ADAMTS12: variants seen among roughly 807,000 people sequenced by gnomAD.
The protein encoded by ADAMTS12 is ADAM metallopeptidase with thrombospondin type 1 motif 12.
Under a neutral mutation model 167.8 loss-of-function variants are expected in ADAMTS12, and 118 were observed. The observed-to-expected ratio is 0.70, with a 90% confidence interval of 0.61 to 0.82. The LOEUF is 0.82. ADAMTS12 is among the 40% of genes least tolerant of loss of function. The probability of loss-of-function intolerance (pLI) is 0.00; values close to 1 mark genes in which losing one functional copy is unlikely to be tolerated. For missense variants in ADAMTS12, 1,916 were observed against 1,998.8 expected (o/e 0.96, Z 0.79); for synonymous variants, 704 against 716.9 (o/e 0.98, Z 0.29).
chr5:33,812,481 G>T (rs764317295), intron 2 of ADAMTS12, among the ~76,000 whole-genome samples: 1 of 152,226 alleles, frequency 6.6e-6, no homozygotes, highest in East Asian at 1.9e-4. Context: ...ATCAAAAAGA[G>T]AATATTCTGT....
intron 2 of ADAMTS12, among the ~76,000 whole-genome samples, chr5:33,878,157 T>C (rs1481917714): frequency 6.6e-6 from 1 of 152,170 alleles, no homozygotes; most frequent in African/African-American, 2.4e-5. Context: ...CCAACCACTA[T>C]CCTTTGGACT....
intron 2 of ADAMTS12, among the ~76,000 whole-genome samples, chr5:33,849,454 CACAGCA>C (rs1749114853): frequency 7.6e-6 from 1 of 131,912 alleles, no homozygotes; most frequent in African/African-American, 2.9e-5. Context: ...ATATGTATTG[CACAGCA>C]ATATATATAT....
intron 2 of ADAMTS12, among the ~76,000 whole-genome samples, chr5:33,839,211 G>C (rs572151709): frequency 6.6e-6 from 1 of 152,318 alleles, no homozygotes; most frequent in South Asian, 2.1e-4. Flanking sequence ...TTGTGCCTCA[G>C]TGTCATTGTC....
chr5:33,881,523 T>A, intron 1 of ADAMTS12, 43 bp from the exon 2 acceptor site: 8 of 1,569,128 alleles, frequency 5.1e-6, no homozygotes, highest in Non-Finnish European at 6.9e-6. Context: ...GGGAGATTGG[T>A]AGTAAAGCAA....
At chr5:33,817,559 G>C (rs1017162292) in intron 2 of ADAMTS12, among the ~76,000 whole-genome samples, 2 of 152,046 alleles carry the variant, frequency 1.3e-5, no homozygotes, top group Non-Finnish European at 2.9e-5. Context: ...CCCATTTTCA[G>C]CAATGATCAA....
intron 16 of ADAMTS12, among the ~76,000 whole-genome samples, chr5:33,610,076 G>A (rs1172558743): frequency 6.6e-6 from 1 of 152,178 alleles, no homozygotes; most frequent in Non-Finnish European, 1.5e-5. Context: ...CTACTCGGGA[G>A]GCTGAGACAA....
chr5:33,763,212 A>G (rs1035780788), intron 2 of ADAMTS12, among the ~76,000 whole-genome samples: 7 of 152,154 alleles, frequency 4.6e-5, no homozygotes, highest in Admixed American at 4.6e-4. Context: ...GGGAGTTTGC[A>G]GATGTGATTA....
intron 19 of ADAMTS12, among the ~76,000 whole-genome samples, 186 bp downstream of exon 19, chr5:33,575,868 T>G (rs552814898): frequency 2.0e-5 from 3 of 152,158 alleles, no homozygotes; most frequent in African/African-American, 7.2e-5. Flanking sequence ...ATAATTTACA[T>G]AATTTTTTTT....
At chr5:33,551,261 G>C (rs1489905762) in intron 20 of ADAMTS12, among the ~76,000 whole-genome samples, 1 of 151,948 alleles carries the variant, frequency 6.6e-6, no homozygotes, top group East Asian at 1.9e-4. Flanking sequence ...TTCAAACATT[G>C]GTCTGTATTT....
At chr5:33,714,580 A>G (rs1161875483) in intron 3 of ADAMTS12, among the ~76,000 whole-genome samples, 1 of 152,102 alleles carries the variant, frequency 6.6e-6, no homozygotes, top group Non-Finnish European at 1.5e-5. Flanking sequence ...CAGATAAAGA[A>G]AATGTGGGAT....
chr5:33,698,311 T>G (rs1345879128), intron 3 of ADAMTS12, among the ~76,000 whole-genome samples: 1 of 152,204 alleles, frequency 6.6e-6, no homozygotes, highest in Non-Finnish European at 1.5e-5. Context: ...CCAGGAAGCC[T>G]GCAAAAGATC....
At chr5:33,535,035 A>C in intron 22 of ADAMTS12, 43 bp from the exon 23 acceptor site, 1 of 1,540,744 alleles carries the variant, frequency 6.5e-7, no homozygotes. Flanking sequence ...CCTCCCCACG[A>C]CTCCCAAGGA....
At chr5:33,699,569 T>A (rs148720058) in intron 3 of ADAMTS12, among the ~76,000 whole-genome samples, 2 of 152,270 alleles carry the variant, frequency 1.3e-5, no homozygotes, top group East Asian at 3.9e-4. Flanking sequence ...TCATTAAAAT[T>A]ACTTTCTCTG....
chr5:33,670,436 G>T (rs1741637914), intron 5 of ADAMTS12, among the ~76,000 whole-genome samples: 1 of 152,138 alleles, frequency 6.6e-6, no homozygotes, highest in Non-Finnish European at 1.5e-5. Flanking sequence ...CAGTTTGGTA[G>T]TTTCTTAAAA....
intron 5 of ADAMTS12, among the ~76,000 whole-genome samples, chr5:33,682,773 T>A (rs1011923115): frequency 3.3e-5 from 5 of 152,236 alleles, no homozygotes; most frequent in Non-Finnish European, 7.3e-5. Context: ...GAGTCTCATG[T>A]GTATGTTATT....
chr5:33,653,305 A>G (rs1201972163), intron 7 of ADAMTS12, among the ~76,000 whole-genome samples: 1 of 152,120 alleles, frequency 6.6e-6, no homozygotes, highest in Non-Finnish European at 1.5e-5. Flanking sequence ...GCCTGTTACA[A>G]TGGTGGATTA....
At chr5:33,832,617 C>T (rs527243918) in intron 2 of ADAMTS12, among the ~76,000 whole-genome samples, 10 of 152,282 alleles carry the variant, frequency 6.6e-5, no homozygotes, top group South Asian at 2.1e-4. Flanking sequence ...TCTGGCAATG[C>T]GCATGCTCAG....
intron 13 of ADAMTS12, among the ~76,000 whole-genome samples, chr5:33,628,519 T>G (rs535960769): frequency 6.6e-6 from 1 of 152,182 alleles, no homozygotes; most frequent in Non-Finnish European, 1.5e-5. Flanking sequence ...TCTGCAACTC[T>G]AACATACCAA....
At chr5:33,596,729 G>A (rs565083989) in intron 16 of ADAMTS12, among the ~76,000 whole-genome samples, 1 of 152,330 alleles carries the variant, frequency 6.6e-6, no homozygotes, top group East Asian at 1.9e-4. Context: ...ATCACCAGGT[G>A]TTATGAGGCA....
Sources: gnomAD v4.1 joint callset for allele counts (sites outside exome capture counted in the v4.1 genomes callset) on GRCh38, gnomAD v4.1.1 for gene constraint, MANE v1.5 for transcripts, NCBI Gene and HGNC (gene_info 2026-07-23, HGNC 2026-07-21) for gene names.